ZNF107: variants seen among roughly 807,000 people sequenced by gnomAD.
ZNF107 encodes C2H2 type zinc-finger protein.
In ZNF107, 19 loss-of-function variants were observed where a neutral mutation model predicts 12.3. The ratio of observed to expected loss-of-function variants is 1.55; its 90% CI spans 1.08 to 2.27. The LOEUF (loss-of-function observed/expected upper bound fraction) is 2.27. Ranked by LOEUF, ZNF107 falls within the 30% of genes most tolerant of loss-of-function variation. The pLI, the probability that ZNF107 is intolerant of heterozygous loss-of-function variation, is 0.00. For synonymous variants in ZNF107, 317 were observed against 330.5 expected, an observed-to-expected ratio of 0.96 and a Z score of 0.44; for missense variants, 958 against 979.9, an observed-to-expected ratio of 0.98 and a Z score of 0.30.
At chr7:64,693,755 C>A (rs1379967021) in intron 3 of ZNF107, among the ~76,000 whole-genome samples, 3 of 152,024 alleles carry the variant, frequency 2.0e-5, no homozygotes, top group Non-Finnish European at 4.4e-5. Context: ...TCACTGAATA[C>A]CAGAGAGGAT....
At chr7:64,703,308 TA>T (rs571741484) in intron 3 of ZNF107, among the ~76,000 whole-genome samples, 1 of 152,214 alleles carries the variant, frequency 6.6e-6, no homozygotes, top group South Asian at 2.1e-4. Context: ...ATTATCCCTG[TA>T]TTTTTTTATG....
Position 64,707,797 on chromosome 7 carries a change from G to A in ZNF107, c.1700G>A (p.Cys567Tyr), listed in dbSNP as rs1790724943. The A allele has an allele frequency of 1.2e-6, 2 of 1,611,852 alleles. No homozygotes were observed. Among genetic ancestry groups the A allele is most frequent in the Non-Finnish European group, 1.7e-6 (2 of 1,179,324 alleles). Residue 567 changes from cysteine to tyrosine, a missense_variant, in exon 4 of 4, where the codon TGT (cysteine) becomes TAT (tyrosine). Coordinates refer to ENST00000620827, the MANE Select transcript of ZNF107 (RefSeq NM_001282359.2). Reference sequence around the variant, plus strand: ...CATACTGGAGAAAAACCCTATAAATGTGAAGAATGTGGAAAAGCCTTTAAT... The same window carrying A: ...CATACTGGAGAAAAACCCTATAAATATGAAGAATGTGGAAAAGCCTTTAAT... ...RIHTGEKPYKCEECGKAFNQS... is the reference protein window; with the variant it reads ...RIHTGEKPYKYEECGKAFNQS...
At chr7:64,667,736 C>T (rs1241652557) in intron 1 of ZNF107, among the ~76,000 whole-genome samples, 1 of 152,042 alleles carries the variant, frequency 6.6e-6, no homozygotes, top group East Asian at 1.9e-4. Context: ...CAGGTGGATG[C>T]CCTGGGGCTG....
At chr7:64,687,795 T>A (rs182768979) in intron 1 of ZNF107, among the ~76,000 whole-genome samples, 5 of 152,324 alleles carry the variant, frequency 3.3e-5, no homozygotes, top group African/African-American at 1.2e-4. Context: ...ACATTCTGGT[T>A]GAATTGTGTA....
chr7:64,700,247 C>A (rs1361881573), intron 3 of ZNF107, among the ~76,000 whole-genome samples: 2 of 152,050 alleles, frequency 1.3e-5, no homozygotes, highest in African/African-American at 2.4e-5. Context: ...ATGGGGCCAA[C>A]TTCCTCGTGA....
intron 1 of ZNF107, chr7:64,668,949 A>G (rs988727857): frequency 2.0e-5 from 3 of 149,526 alleles, no homozygotes; most frequent in African/African-American, 7.4e-5. Context: ...GTTACAGTAA[A>G]TACCTCTGTT....
rs541402754 is a variant in ZNF107, at chr7:64,691,309, A to G, written c.65A>G (p.Asp22Gly). ...EFSLEEWQCL[D>G]TAQRDLYRNV... ...TCTCTGGAGGAGTGGCAATGCCTGG[A>G]TACTGCACAGCGGGATTTATATAGG... is the stretch of plus-strand genomic sequence containing the variant. Residue 22 changes from aspartate (D) to glycine (G), a missense_variant, in exon 2 of 4, where the codon GAT (aspartate) becomes GGT (glycine). By Grantham distance (94) the Asp-to-Gly change is moderately conservative. Coordinates refer to ENST00000620827, the MANE Select transcript of ZNF107 (RefSeq NM_001282359.2). 2.0e-4 allele frequency: 310 copies of G among 1,553,098 alleles called. 4 individuals carry two copies. The highest frequency in any genetic ancestry group is 1.9e-3 in the South Asian group (157 of 82,940).
chr7:64,672,008 G>C (rs1256995947), intron 1 of ZNF107, among the ~76,000 whole-genome samples: 1 of 151,584 alleles, frequency 6.6e-6, no homozygotes, highest in Non-Finnish European at 1.5e-5. Context: ...GGATGGTCTC[G>C]ATCTCCTGAC....
chr7:64,697,145 A>G (rs1790319362), intron 3 of ZNF107, among the ~76,000 whole-genome samples: 1 of 152,046 alleles, frequency 6.6e-6, no homozygotes, highest in Non-Finnish European at 1.5e-5. Context: ...AAGGACATGA[A>G]CTCATCCTTT....
chr7:64,699,801 G>A (rs915516695), intron 3 of ZNF107, among the ~76,000 whole-genome samples: 1 of 152,074 alleles, frequency 6.6e-6, no homozygotes, highest in Non-Finnish European at 1.5e-5. Context: ...GGGCGTGGTG[G>A]CTCACGCCTG....
At chr7:64,684,153 C>G (rs1484287599) in intron 1 of ZNF107, among the ~76,000 whole-genome samples, 1 of 152,144 alleles carries the variant, frequency 6.6e-6, no homozygotes, top group East Asian at 1.9e-4. Flanking sequence ...CTGGACTGTT[C>G]TCCTACCACT....
rs1280981995 is a variant in ZNF107, at chr7:64,708,495, C to T, written c.2398C>T (p.Gln800Ter). 1.9e-6 allele frequency: 3 copies of T among 1,612,004 alleles called. No individual in the cohort carries two copies. In the African/African-American group the frequency reaches 4.0e-5, roughly 22 times the overall value. The change falls in exon 4 of 4, where the codon CAG becomes TAG. Residue 800 changes from glutamine (Q) to a stop codon, truncating the protein, a stop_gained. Transcript: ENST00000620827. LOFTEE classifies it low-confidence loss of function (END_TRUNC). ...TGAAGAATGTGGCAAATCCTTTAACCAGTTCTCATCTCTTAATATACATAA... is the reference window on the plus strand; with the variant it reads ...TGAAGAATGTGGCAAATCCTTTAACTAGTTCTCATCTCTTAATATACATAA... Reference protein sequence around the residue: ...KCEECGKSFNQFSSLNIHKII... With the variant: ...KCEECGKSFN
At chr7:64,674,213 AT>A (rs1347717684) in intron 1 of ZNF107, among the ~76,000 whole-genome samples, 1 of 151,978 alleles carries the variant, frequency 6.6e-6, no homozygotes, top group Non-Finnish European at 1.5e-5. Context: ...CAGTATGGCC[AT>A]TTTAATAATT....
chr7:64,680,926 C>T (rs1038598914), intron 1 of ZNF107, among the ~76,000 whole-genome samples: 2 of 152,158 alleles, frequency 1.3e-5, no homozygotes, highest in Admixed American at 6.5e-5. Context: ...CAGACCGCAG[C>T]GCCCAGCAGC....
In ZNF107 at chr7:64,708,415, C is replaced by T; in HGVS notation, c.2318C>T (p.Ser773Phe). Residue 773 changes from serine (S) to phenylalanine (F), a missense_variant, in exon 4 of 4, where the codon TCC becomes TTC. Ser to Phe is a radical substitution (Grantham distance 155, BLOSUM62 -2). Coordinates refer to ENST00000620827, the MANE Select transcript of ZNF107 (RefSeq NM_001282359.2). ...GAATGTGGCAAAGCTTTTAACCAAT[C>T]CTCAAACCTTACTACACATAAGAAA... ...CEECGKAFNQ[S>F]SNLTTHKKIH... is the part of the protein sequence containing the mutation. 1 of 1,603,294 alleles carries T rather than the reference C, an allele frequency of 6.2e-7. No homozygotes were observed. The highest frequency in any genetic ancestry group is 8.5e-7 in the Non-Finnish European group (1 of 1,172,720).
intron 3 of ZNF107, among the ~76,000 whole-genome samples, chr7:64,704,940 A>T (rs766723745): frequency 1.3e-5 from 2 of 152,184 alleles, no homozygotes; most frequent in Admixed American, 1.3e-4. Context: ...TGGTCTCCCA[A>T]TGTGCTGGGA....
intron 2 of ZNF107, among the ~76,000 whole-genome samples, chr7:64,691,605 T>A (rs1356735715): frequency 6.6e-6 from 1 of 152,176 alleles, no homozygotes; most frequent in Non-Finnish European, 1.5e-5. Flanking sequence ...TCTAGATTAG[T>A]GATAATTCCA....
chr7:64,695,925 A>G (rs1425339815), intron 3 of ZNF107, among the ~76,000 whole-genome samples: 3 of 152,186 alleles, frequency 2.0e-5, no homozygotes, highest in Non-Finnish European at 4.4e-5. Context: ...TTTTAAATCT[A>G]TTGAAGTGTA....
chr7:64,683,240 A>G (rs982890339), intron 1 of ZNF107, among the ~76,000 whole-genome samples: 3 of 152,172 alleles, frequency 2.0e-5, no homozygotes, highest in Admixed American at 6.5e-5. Context: ...CTGGGTGGAA[A>G]GAGGTTTTCT....
Sources: gnomAD v4.1 joint callset for allele counts (sites outside exome capture counted in the v4.1 genomes callset) on GRCh38, gnomAD v4.1.1 for gene constraint, MANE v1.5 for transcripts, NCBI Gene and HGNC (gene_info 2026-07-23, HGNC 2026-07-21) for gene names.